Variants in GALNTL6 observed in about 807,000 individuals in gnomAD.
The protein encoded by GALNTL6 is polypeptide N-acetylgalactosaminyltransferase-like 6.
A neutral mutation model predicts 73.7 loss-of-function variants in GALNTL6; 46 were observed. That is an observed-to-expected ratio of 0.62 (90% confidence interval 0.49 to 0.80). The LOEUF (loss-of-function observed/expected upper bound fraction) is 0.80, where lower values mean the gene tolerates loss of function less well. Ranked by LOEUF, GALNTL6 falls within the 30% of genes least tolerant of loss-of-function variation. GALNTL6 has a pLI of 0.00. For synonymous variants in GALNTL6, 259 were observed against 263.7 expected (o/e 0.98, Z 0.17); for missense variants, 604 against 755.0 (o/e 0.80, Z 2.34).
intron 3 of GALNTL6, among the ~76,000 whole-genome samples, chr4:172,283,032 T>C (rs954534303): frequency 1.3e-5 from 2 of 152,196 alleles, no homozygotes; most frequent in African/African-American, 4.8e-5. Flanking sequence ...CTGCCATGCA[T>C]CATTGGGATC....
intron 2 of GALNTL6, among the ~76,000 whole-genome samples, chr4:172,042,735 T>C (rs1056949055): frequency 7.3e-5 from 11 of 151,714 alleles, no homozygotes; most frequent in Non-Finnish European, 1.6e-4. Flanking sequence ...CATCTCTCTC[T>C]TTCTTTCTGT....
At chr4:172,829,521 T>C (rs1037463408) in intron 7 of GALNTL6, among the ~76,000 whole-genome samples, 17 of 152,302 alleles carry the variant, frequency 1.1e-4, no homozygotes, top group East Asian at 7.7e-4. Flanking sequence ...AGTAGGAAGA[T>C]TCCTCTTGCC....
intron 5 of GALNTL6, among the ~76,000 whole-genome samples, chr4:172,574,462 T>A (rs1354412259): frequency 6.6e-6 from 1 of 150,854 alleles, no homozygotes; most frequent in Non-Finnish European, 1.5e-5. Flanking sequence ...AAAATAAAAA[T>A]TTTATTTTTA....
intron 3 of GALNTL6, among the ~76,000 whole-genome samples, chr4:172,278,911 A>G (rs930504894): frequency 1.3e-5 from 2 of 152,160 alleles, no homozygotes; most frequent in Non-Finnish European, 2.9e-5. Context: ...GAAATACACT[A>G]TCACATATAT....
chr4:172,484,264 G>A (rs945912820), intron 5 of GALNTL6, among the ~76,000 whole-genome samples: 12 of 152,024 alleles, frequency 7.9e-5, no homozygotes, highest in African/African-American at 2.4e-4. Flanking sequence ...GTCCATTCAC[G>A]ACAACAAAAA....
chr4:172,198,398 A>G (rs954525281), intron 2 of GALNTL6, among the ~76,000 whole-genome samples: 4 of 151,960 alleles, frequency 2.6e-5, no homozygotes. Flanking sequence ...CTTCAAGGAA[A>G]TTAAACAAAT....
intron 5 of GALNTL6, among the ~76,000 whole-genome samples, chr4:172,588,015 A>G (rs983784582): frequency 2.6e-5 from 4 of 152,142 alleles, no homozygotes; most frequent in African/African-American, 7.2e-5. Flanking sequence ...TTCACTGACT[A>G]CTTAAGTGAG....
rs1734995808 is a variant in GALNTL6, at chr4:171,832,300, A to T, written c.138+17582A>T. ...ATCTATATATGTTTTCAGTCTTTTA[A>T]TTTTTTTTGTATCTCAAACTTTAAA... On this transcript the variant is annotated intron_variant, in intron 2 of 12. Transcript: ENST00000506823. Among the ~76,000 whole-genome samples, 3 of 151,036 alleles carry T rather than the reference A, an allele frequency of 2.0e-5. No individual in the cohort carries two copies. In the South Asian group the frequency reaches 6.3e-4, roughly 31 times the overall value.
In GALNTL6 at chr4:171,999,076, G is replaced by T. The variant is rs1740589735; in HGVS notation, c.138+184358G>T. Among the ~76,000 whole-genome samples the T allele has an allele frequency of 2.6e-5, 4 of 152,094 alleles. No individual in the cohort carries two copies. In the South Asian group the frequency reaches 8.3e-4, roughly 31 times the overall value. The stretch of plus-strand genomic sequence containing the variant: ...GGAAACGTCTTTTGGTATTTCATTT[G>T]TTTGACTAAGGTCACTTTTCCATTC... On this transcript the variant is annotated intron_variant, in intron 2 of 12. Transcript: ENST00000506823.
At chr4:172,034,202 C>T (rs926409940) in intron 2 of GALNTL6, among the ~76,000 whole-genome samples, 3 of 152,056 alleles carry the variant, frequency 2.0e-5, no homozygotes, top group African/African-American at 7.2e-5. Flanking sequence ...CCCTGACTAA[C>T]CTCCCCTGTG....
intron 2 of GALNTL6, among the ~76,000 whole-genome samples, chr4:171,890,711 C>G (rs1433598676): frequency 6.6e-6 from 1 of 151,948 alleles, no homozygotes; most frequent in Non-Finnish European, 1.5e-5. Context: ...TTATTATCAC[C>G]CTTGTATGTA....
Position 172,369,027 on chromosome 4 carries a change from G to T in GALNTL6, c.553+20338G>T, listed in dbSNP as rs576133549. 2.6e-5 allele frequency among the ~76,000 whole-genome samples: 4 copies of T among 152,288 alleles called. No homozygotes were observed. In the South Asian group the frequency reaches 8.3e-4, roughly 32 times the overall value. The stretch of plus-strand genomic sequence containing the variant: ...AGAACAAAGCTTCCACAGTGTGGAA[G>T]GGGACCTGAGCAGGTTGCCACTGCA... On this transcript the variant is annotated intron_variant, in intron 5 of 12. Transcript: ENST00000506823.
At chr4:172,402,309 G>A (rs1160428860) in intron 5 of GALNTL6, among the ~76,000 whole-genome samples, 1 of 151,968 alleles carries the variant, frequency 6.6e-6, no homozygotes. Context: ...TTGAATCTAT[G>A]TTCAACTGGT....
intron 5 of GALNTL6, among the ~76,000 whole-genome samples, chr4:172,601,799 C>A (rs1408535420): frequency 1.3e-5 from 2 of 151,904 alleles, no homozygotes; most frequent in African/African-American, 2.4e-5. Context: ...GGGTTAAGAT[C>A]TATAGGAAAA....
chr4:172,162,232 G>A (rs61531600), intron 2 of GALNTL6, among the ~76,000 whole-genome samples: 2 of 151,828 alleles, frequency 1.3e-5, no homozygotes, highest in East Asian at 3.9e-4. Context: ...ATGGAAGGAA[G>A]GGACACAGTG....
At chr4:173,000,440 C>T (rs1019256140) in intron 10 of GALNTL6, among the ~76,000 whole-genome samples, 2 of 152,126 alleles carry the variant, frequency 1.3e-5, no homozygotes, top group Non-Finnish European at 2.9e-5. Context: ...ATCCCATGTT[C>T]ATGGATTTAA....
chr4:172,322,161 T>C (rs1316525637), intron 4 of GALNTL6, among the ~76,000 whole-genome samples: 1 of 152,150 alleles, frequency 6.6e-6, no homozygotes, highest in Non-Finnish European at 1.5e-5. Flanking sequence ...TGCCAACATA[T>C]GAAACCCCAA....
intron 2 of GALNTL6, among the ~76,000 whole-genome samples, chr4:172,124,882 T>C (rs1055312345): frequency 6.6e-5 from 10 of 152,060 alleles, no homozygotes; most frequent in African/African-American, 1.9e-4. Flanking sequence ...ATGGGAAGTT[T>C]CCTGGTTACA....
chr4:172,072,185 G>A (rs1002643185), intron 2 of GALNTL6, among the ~76,000 whole-genome samples: 9 of 151,968 alleles, frequency 5.9e-5, no homozygotes, highest in African/African-American at 2.2e-4. Flanking sequence ...TGAGAAGCCC[G>A]ATGTGATCTT....
Sources: gnomAD v4.1 joint callset for allele counts (sites outside exome capture counted in the v4.1 genomes callset) on GRCh38, gnomAD v4.1.1 for gene constraint, MANE v1.5 for transcripts, NCBI Gene and HGNC (gene_info 2026-07-23, HGNC 2026-07-21) for gene names.